The following TTN variants were observed in gnomAD, a reference collection of about 807,000 sequenced individuals.
TTN encodes the protein titin.
TTN carries 1,525 observed loss-of-function variants against 3,223.0 expected under a neutral mutation model. That is an observed-to-expected ratio of 0.47 (90% CI 0.45 to 0.49). TTN has a LOEUF of 0.49. Among genes scored for constraint, TTN ranks in the 20% least tolerant of loss-of-function variants. The pLI is 0.00. For synonymous variants in TTN, 14,094 were observed against 15,161.0 expected (o/e 0.93, Z 5.17); for missense variants, 40,786 against 43,424.0 (o/e 0.94, Z 5.40).
In TTN at chr2:178,554,143, C is replaced by T. The variant is rs1407944964; in HGVS notation, c.88968G>A (p.Arg29656=). The T allele has an allele frequency of 2.5e-6, 4 of 1,613,588 alleles. No homozygotes were observed. The highest frequency in any genetic ancestry group is 1.3e-5 in the African/African-American group (1 of 74,892). Residue 29656 remains arginine, a synonymous_variant, in exon 333 of 363, where the codon AGG becomes AGA. Coordinates refer to ENST00000589042, the MANE Select transcript of TTN (RefSeq NM_001267550.2). ...TKNSMTVVWS[R]PIADGGSDIS... ...TATCACTACCGCCATCTGCAATTGG[C>T]CTGCTCCATACAACAGTCATCGAAT...
chr2:178,605,069 G>A lies in TTN; in HGVS notation c.54108C>T (p.Val18036=). 6.2e-7 allele frequency: 1 copy of A among 1,612,584 alleles called. No individual in the cohort carries two copies. The highest frequency in any genetic ancestry group is 8.5e-7 in the Non-Finnish European group (1 of 1,179,108). ...CTGTGTAAGTGCCTTTGTCCTCCCGGACCGCTTTGGGAATGCTAAGCTCAG... is the reference window on the plus strand; with the variant it reads ...CTGTGTAAGTGCCTTTGTCCTCCCGAACCGCTTTGGGAATGCTAAGCTCAG... ...AKTELSIPKA[V]REDKGTYTVT... Residue 18036 remains valine, a synonymous_variant, in exon 280 of 363, where the codon GTC becomes GTT. Coordinates refer to ENST00000589042, the MANE Select transcript of TTN (RefSeq NM_001267550.2).
Position 178,527,286 on chromosome 2 carries a change from G to A in TTN, c.107702C>T (p.Ala35901Val). The A allele has an allele frequency of 6.3e-7, 1 of 1,597,048 alleles. No individual in the cohort carries two copies. Among genetic ancestry groups the A allele is most frequent in the South Asian group, 1.1e-5 (1 of 88,776 alleles). The change falls in exon 363 of 363, where the codon GCT (alanine) becomes GTT (valine). Residue 35901 changes from alanine (A) to valine (V), a missense_variant. By Grantham distance (64) the Ala-to-Val change is moderately conservative. Coordinates refer to ENST00000589042, the MANE Select transcript of TTN (RefSeq NM_001267550.2). ...GIRGIPPKIE[A>V]LPSDISIDEG... ...ATCAATGCTGATATCAGATGGAAGA[G>A]CTTCAATTTTAGGCGGAATTCCTTT...
At chr2:178,718,672 A>G in intron 84 of TTN, 23 bp downstream of exon 84, 2 of 1,610,604 alleles carry the variant, frequency 1.2e-6, no homozygotes, top group Non-Finnish European at 1.7e-6. Flanking sequence ...TAAAAGATGT[A>G]TATATTGGGG....
In TTN at chr2:178,563,721, C is replaced by T. The variant is rs757130634; in HGVS notation, c.82411G>A (p.Gly27471Ser). The change falls in exon 326 of 363, where the codon GGT becomes AGT. Residue 27471 changes from glycine (G) to serine (S), a missense_variant. Gly to Ser is a moderately conservative substitution (Grantham distance 56). Transcript: ENST00000589042. This position sits in a 1 kb window ranked among gnomAD's most constrained non-coding sequence, Gnocchi z 4.5. ...GAGACTTCAGGTGTTGAGGGAGGAC[C>T]TGGTGGCTTATAAGGATTACAGGCC... ...VTACNPYKPPGPPSTPEVSAI... is the reference protein window; with the variant it reads ...VTACNPYKPPSPPSTPEVSAI... The T allele has an allele frequency of 7.4e-6, 12 of 1,613,732 alleles. No individual in the cohort carries two copies. The highest frequency in any genetic ancestry group is 1.3e-5 in the African/African-American group (1 of 75,010).
Position 178,562,969 on chromosome 2 carries a change from C to G in TTN, c.83163G>C (p.Gln27721His). ...KAEGILTDRAQIEVTSSFTML... is the reference protein window; with the variant it reads ...KAEGILTDRAHIEVTSSFTML... The stretch of plus-strand genomic sequence containing the variant: ...TTGTAAATGAGCTGGTCACCTCTAT[C>G]TGAGCCCTGTCAGTGAGAATGCCTT... The change falls in exon 326 of 363, where the codon CAG becomes CAC. Residue 27721 changes from glutamine to histidine, a missense_variant. Gln to His is a conservative substitution (Grantham distance 24). Coordinates refer to ENST00000589042, the MANE Select transcript of TTN (RefSeq NM_001267550.2). The G allele has an allele frequency of 6.2e-7, 1 of 1,613,738 alleles. No homozygotes were observed. The highest frequency in any genetic ancestry group is 2.2e-5 in the East Asian group (1 of 44,810).
Position 178,663,802 on chromosome 2 carries a change from A to G in TTN, c.36448+17T>C. Reference sequence around the variant, plus strand: ...GCAAAAGAATGAGATCTGAAGCCTAAGGTCAGTGGCAACTACCTTTAACAG... The same window carrying G: ...GCAAAAGAATGAGATCTGAAGCCTAGGGTCAGTGGCAACTACCTTTAACAG... On this transcript the variant is annotated intron_variant, in intron 170 of 362. Transcript: ENST00000589042. 1.2e-6 allele frequency: 2 copies of G among 1,613,368 alleles called. No homozygotes were observed. Among genetic ancestry groups the G allele is most frequent in the African/African-American group, 2.7e-5 (2 of 75,010 alleles).
Position 178,561,218 on chromosome 2 carries a change from G to C in TTN, c.84914C>G (p.Thr28305Ser). 6.2e-7 allele frequency: 1 copy of C among 1,613,500 alleles called. No individual in the cohort carries two copies. Among genetic ancestry groups the C allele is most frequent in the South Asian group, 1.1e-5 (1 of 91,084 alleles). ...TTCAAAGTATGTTTCTTGTATATTA[G>C]TATAATTGCACTTCAGCCACCGGCC... ...PDGRWLKCNY[T>S]NIQETYFEVT... is the part of the protein sequence containing the mutation. The change falls in exon 326 of 363, where the codon ACT (threonine) becomes AGT (serine). Residue 28305 changes from threonine to serine, a missense_variant. Physicochemically the swap from Thr to Ser is moderately conservative, Grantham distance 58. Transcript: ENST00000589042.
intron 52 of TTN, 23 bp from the exon 53 acceptor site, chr2:178,733,915 T>C (rs2080981825): frequency 2.6e-6 from 4 of 1,549,158 alleles, no homozygotes; most frequent in Non-Finnish European, 3.5e-6. Flanking sequence ...AGAGAGCATA[T>C]AAAACATATC....
At chr2:178,612,738 G>T in intron 265 of TTN, 35 bp downstream of exon 265, 2 of 1,576,916 alleles carry the variant, frequency 1.3e-6, no homozygotes, top group South Asian at 1.2e-5. Context: ...GATATTAGAA[G>T]AATTTATATA....
In TTN at chr2:178,607,112, T is replaced by G; in HGVS notation, c.53490A>C (p.Gly17830=). ...SKCDITGLLE[G]QEYKFRVIAK... is the part of the protein sequence containing the mutation. ...CAATAACACGGAACTTATATTCTTG[T>G]CCCTCAAGCAGACCTGTGATGTCAC... Residue 17830 remains glycine, a synonymous_variant, in exon 278 of 363, where the codon GGA becomes GGC. Coordinates refer to ENST00000589042, the MANE Select transcript of TTN (RefSeq NM_001267550.2). The G allele has an allele frequency of 6.2e-7, 1 of 1,612,686 alleles. No homozygotes were observed. The highest frequency in any genetic ancestry group is 1.7e-5 in the Admixed American group (1 of 59,944).
Position 178,583,707 on chromosome 2 carries a change from T to C in TTN, c.65475A>G (p.Glu21825=), listed in dbSNP as rs753495076. 6.2e-7 allele frequency: 1 copy of C among 1,612,502 alleles called. No individual in the cohort carries two copies. The highest frequency in any genetic ancestry group is 1.1e-5 in the South Asian group (1 of 90,898). ...PQEEYTATGL[E]EKAQYQFRAI... ...CTCTAAATTGATACTGAGCTTTCTC[T>C]TCTAGGCCAGTAGCTGTGTACTCTT... The change falls in exon 312 of 363, where the codon GAA becomes GAG. Residue 21825 remains glutamate, a synonymous_variant. Coordinates refer to ENST00000589042, the MANE Select transcript of TTN (RefSeq NM_001267550.2).
rs761406700 is a variant in TTN at position 178,611,776 on chromosome 2, A to G, written c.50533T>C (p.Ser16845Pro). ...TACTTACTTGTTGGATCTTCAATGG[A>G]TAGGATTTCTGTGGGTTCACTTGGG... ...GHPSEPTEIL[S>P]IEDPTSPPSP... is the part of the protein sequence containing the mutation. Residue 16845 changes from serine to proline, a missense_variant, in exon 268 of 363, where the codon TCC becomes CCC. Physicochemically the swap from Ser to Pro is moderately conservative, Grantham distance 74. Coordinates refer to ENST00000589042, the MANE Select transcript of TTN (RefSeq NM_001267550.2). 6.2e-7 allele frequency: 1 copy of G among 1,612,208 alleles called. No individual in the cohort carries two copies. Among genetic ancestry groups the G allele is most frequent in the South Asian group, 1.1e-5 (1 of 90,800 alleles).
rs1178384540 is a variant in TTN, at chr2:178,559,368, C to G, written c.86764G>C (p.Glu28922Gln). ...GGTATACCAACACCAAACTCATTTT[C>G]TCCAGAGACTCTGAAGTAATAGATA... ...GAIYYFRVSG[E>Q]NEFGVGIPAE... Residue 28922 changes from glutamate (E) to glutamine (Q), a missense_variant, in exon 326 of 363, where the codon GAA (glutamate) becomes CAA (glutamine). Glu to Gln is a conservative substitution (Grantham distance 29). Transcript: ENST00000589042. The G allele has an allele frequency of 2.5e-6, 4 of 1,613,200 alleles. No individual in the cohort carries two copies. The highest frequency in any genetic ancestry group is 3.4e-6 in the Non-Finnish European group (4 of 1,179,406).
rs761074887 is a variant in TTN at position 178,565,987 on chromosome 2, G to T, written c.80145C>A (p.Val26715=). The T allele has an allele frequency of 1.9e-6, 3 of 1,613,522 alleles. No individual in the cohort carries two copies. The highest frequency in any genetic ancestry group is 2.5e-6 in the Non-Finnish European group (3 of 1,179,630). Residue 26715 remains valine (V), a synonymous_variant, in exon 326 of 363, where the codon GTC becomes GTA. Transcript: ENST00000589042. ...CACGTTTGTCAATCACATAGTTCTTGACCTTTGCCCCTCCATCAATGATGG... is the reference window on the plus strand; with the variant it reads ...CACGTTTGTCAATCACATAGTTCTTTACCTTTGCCCCTCCATCAATGATGG... ...EPPIIDGGAK[V]KNYVIDKRES...
intron 91 of TTN, 31 bp downstream of exon 91, chr2:178,714,261 G>A: frequency 6.2e-7 from 1 of 1,603,006 alleles, no homozygotes; most frequent in Non-Finnish European, 8.5e-7. Flanking sequence ...TGTGTGCCTT[G>A]TATCTGTGAT....
chr2:178,723,056 TA>T lies in TTN; in HGVS notation c.21950del (p.Val7317AspfsTer4). 6.2e-7 allele frequency: 1 copy of T among 1,613,486 alleles called. No homozygotes were observed. Among genetic ancestry groups the T allele is most frequent in the Non-Finnish European group, 8.5e-7 (1 of 1,179,582 alleles). On this transcript the variant is annotated frameshift_variant, in exon 75 of 363. Transcript: ENST00000589042. LOFTEE classifies it high-confidence loss of function. Reference protein sequence around the residue: ...EAGRDVCGALVSTLEPPYFVT... With the variant: ...EAGRDVCGALXSTLEPPYFVT... ...AATAAGACAACACACCTAATGTAGA[TA>T]CCAGAGCTCCACAAACATCCCTTCC...
Position 178,617,806 on chromosome 2 carries a change from G to T in TTN, c.47545C>A (p.Pro15849Thr), listed in dbSNP as rs146181477. ...IGVGKPSAAT[P>T]FVKVADPIER... Reference sequence around the variant, plus strand: ...ATTGGATCAGCAACTTTGACGAAGGGTGTGGCTGCACTTGGTTTTCCAACT... The same window carrying T: ...ATTGGATCAGCAACTTTGACGAAGGTTGTGGCTGCACTTGGTTTTCCAACT... Residue 15849 changes from proline (P) to threonine (T), a missense_variant, in exon 253 of 363, where the codon CCC becomes ACC. Physicochemically the swap from Pro to Thr is conservative, Grantham distance 38. Transcript: ENST00000589042. The T allele has an allele frequency of 2.2e-3, 3,519 of 1,612,350 alleles. 53 individuals are homozygous for T. The highest frequency in any genetic ancestry group is 0.021 in the South Asian group (1,935 of 91,024).
rs138234724 is a variant in TTN, at chr2:178,537,051, A to G, written c.100058T>C (p.Ile33353Thr). Reference sequence around the variant, plus strand: ...GCCAGCATTTTCTGTGAGGTTCACAATTCTACAGGTTGTCACTGAGATGGC... The same window carrying G: ...GCCAGCATTTTCTGTGAGGTTCACAGTTCTACAGGTTGTCACTGAGATGGC... ...SSAISVTTCR[I>T]VNLTENAGYY... The change falls in exon 356 of 363, where the codon ATT becomes ACT. Residue 33353 changes from isoleucine to threonine, a missense_variant. Coordinates refer to ENST00000589042, the MANE Select transcript of TTN (RefSeq NM_001267550.2). 2.6e-5 allele frequency: 42 copies of G among 1,613,294 alleles called. No individual in the cohort carries two copies. The African/African-American group carries it at 4.9e-4, about 19-fold the overall frequency.
At position 178,674,326 on chromosome 2, in the gene TTN, C is replaced by A. The variant is rs556948427; in HGVS notation, c.34696G>T (p.Ala11566Ser). ...PPSIEEVEEV[A>S]PPRVPEVIKK... ...AAAGCGGTTATACCTCTAGGTGGTGCCACCTCTTCAACTTCCTCTATGCTA... is the reference window on the plus strand; with the variant it reads ...AAAGCGGTTATACCTCTAGGTGGTGACACCTCTTCAACTTCCTCTATGCTA... Residue 11566 changes from alanine to serine, a missense_variant, in exon 151 of 363, where the codon GCA becomes TCA. Coordinates refer to ENST00000589042, the MANE Select transcript of TTN (RefSeq NM_001267550.2). 1.9e-5 allele frequency: 30 copies of A among 1,587,064 alleles called. No homozygotes were observed. The South Asian group carries it at 3.1e-4, about 16-fold the overall frequency.
Sources: gnomAD v4.1 joint callset for allele counts on GRCh38, gnomAD v4.1.1 for gene constraint, Gnocchi (gnomAD v3.1) non-coding constraint, MANE v1.5 for transcripts, NCBI Gene and HGNC (gene_info 2026-07-23, HGNC 2026-07-21) for gene names.